The following CACNA2D3 variants were observed in gnomAD, a reference collection of about 807,000 sequenced individuals.
CACNA2D3 encodes calcium voltage-gated channel auxiliary subunit alpha2delta 3.
A neutral mutation model predicts 160.6 loss-of-function variants in CACNA2D3; 60 were observed. That is an observed-to-expected ratio of 0.37 (90% CI 0.30 to 0.46). CACNA2D3 has a LOEUF of 0.46. Among genes scored for constraint, CACNA2D3 ranks in the 20% least tolerant of loss-of-function variants. The pLI is 1.00. For missense variants in CACNA2D3, 1,205 were observed against 1,365.0 expected, an observed-to-expected ratio of 0.88 and a Z score of 1.85; for synonymous variants, 558 against 492.9, an observed-to-expected ratio of 1.13 and a Z score of -1.75.
intron 9 of CACNA2D3, among the ~76,000 whole-genome samples, chr3:54,609,658 A>G (rs1431638953): frequency 2.0e-5 from 3 of 152,198 alleles, no homozygotes; most frequent in African/African-American, 7.2e-5. Context: ...GAAAGCTTAA[A>G]ATGACAAATG....
intron 10 of CACNA2D3, among the ~76,000 whole-genome samples, chr3:54,629,011 GAC>G (rs1280561012): frequency 2.6e-5 from 4 of 152,168 alleles, no homozygotes; most frequent in Non-Finnish European, 4.4e-5. Flanking sequence ...TGCTTAGAAA[GAC>G]CTTGATTCTT....
intron 5 of CACNA2D3, among the ~76,000 whole-genome samples, chr3:54,555,825 C>A (rs1702234054): frequency 1.3e-5 from 2 of 152,198 alleles, no homozygotes; most frequent in Non-Finnish European, 2.9e-5. Context: ...CTGGAATTCA[C>A]TTTATTGAGC....
At chr3:54,943,503 G>T (rs144225927) in intron 27 of CACNA2D3, among the ~76,000 whole-genome samples, 1 of 152,134 alleles carries the variant, frequency 6.6e-6, no homozygotes, top group Non-Finnish European at 1.5e-5. Flanking sequence ...ATTAGTCAGC[G>T]AATATATTAT....
intron 2 of CACNA2D3, among the ~76,000 whole-genome samples, chr3:54,310,828 G>A (rs1186009739): frequency 6.6e-6 from 1 of 152,120 alleles, no homozygotes; most frequent in Non-Finnish European, 1.5e-5. Flanking sequence ...CACATCATTT[G>A]ATCATCTCAA....
At chr3:54,415,212 G>T (rs915947867) in intron 4 of CACNA2D3, among the ~76,000 whole-genome samples, 1 of 152,126 alleles carries the variant, frequency 6.6e-6, no homozygotes, top group African/African-American at 2.4e-5. Flanking sequence ...ATTACCTCAG[G>T]ATCTTTCTCC....
intron 26 of CACNA2D3, among the ~76,000 whole-genome samples, chr3:54,898,332 C>T: frequency 6.7e-6 from 1 of 150,356 alleles, no homozygotes; most frequent in Admixed American, 6.7e-5. Context: ...AAGCGATTCT[C>T]CTGCCTCAGC....
intron 13 of CACNA2D3, among the ~76,000 whole-genome samples, chr3:54,765,802 C>CA (rs371290236): frequency 6.6e-6 from 1 of 152,060 alleles, no homozygotes. Flanking sequence ...GTAGAAGGTC[C>CA]AAAAAATCAA....
chr3:54,836,186 A>C (rs1007534690), intron 14 of CACNA2D3, among the ~76,000 whole-genome samples: 11 of 151,148 alleles, frequency 7.3e-5, no homozygotes, highest in Non-Finnish European at 1.2e-4. Context: ...TACAGACGTG[A>C]ATCACATGCT....
chr3:54,675,388 C>A (rs918829593), intron 11 of CACNA2D3, among the ~76,000 whole-genome samples: 6 of 152,120 alleles, frequency 3.9e-5, no homozygotes, highest in African/African-American at 1.4e-4. Context: ...AACGGCTGGA[C>A]AGAGGCAGTC....
chr3:54,330,245 T>C (rs1354473589), intron 3 of CACNA2D3, among the ~76,000 whole-genome samples: 1 of 143,198 alleles, frequency 7.0e-6, no homozygotes, highest in African/African-American at 2.6e-5. Context: ...TGTGTGTGTG[T>C]GTGTCACTTG....
chr3:54,603,469 T>G (rs1703102497), intron 9 of CACNA2D3, among the ~76,000 whole-genome samples: 1 of 152,194 alleles, frequency 6.6e-6, no homozygotes, highest in African/African-American at 2.4e-5. Flanking sequence ...CTGACTCAAC[T>G]TCCTTCCTCT....
At chr3:54,845,279 G>A (rs971905706) in intron 16 of CACNA2D3, among the ~76,000 whole-genome samples, 23 of 152,270 alleles carry the variant, frequency 1.5e-4, no homozygotes, top group African/African-American at 5.1e-4. Flanking sequence ...TCACCTTGAC[G>A]TTAAGCTAAC....
intron 3 of CACNA2D3, among the ~76,000 whole-genome samples, chr3:54,330,164 CAG>C (rs1327830504): frequency 1.3e-5 from 2 of 151,542 alleles, no homozygotes; most frequent in Non-Finnish European, 1.5e-5. Context: ...TTTGTACTAT[CAG>C]GGGTAAATGT....
At chr3:54,736,061 G>GTA (rs1368581616) in intron 11 of CACNA2D3, among the ~76,000 whole-genome samples, 5 of 24,488 alleles carry the variant, frequency 2.0e-4, no homozygotes, top group African/African-American at 3.1e-4. Flanking sequence ...ACATATGTAT[G>GTA]TATATATATA....
At chr3:54,352,358 T>C (rs1698579966) in intron 3 of CACNA2D3, among the ~76,000 whole-genome samples, 1 of 152,226 alleles carries the variant, frequency 6.6e-6, no homozygotes, top group South Asian at 2.1e-4. Context: ...GTGTTGATGG[T>C]TGTGTATTAT....
chr3:54,482,286 G>A (rs1700946320), intron 4 of CACNA2D3, among the ~76,000 whole-genome samples: 1 of 152,150 alleles, frequency 6.6e-6, no homozygotes, highest in Admixed American at 6.6e-5. Flanking sequence ...TGGAACTGTG[G>A]TGCGTAAACT....
intron 4 of CACNA2D3, among the ~76,000 whole-genome samples, chr3:54,472,579 A>C (rs1202868552): frequency 1.3e-5 from 2 of 152,206 alleles, no homozygotes; most frequent in African/African-American, 4.8e-5. Context: ...TCAAATAGGA[A>C]GAGAAGAAGT....
intron 13 of CACNA2D3, among the ~76,000 whole-genome samples, chr3:54,778,989 G>C (rs1384804275): frequency 6.6e-6 from 1 of 152,220 alleles, no homozygotes; most frequent in Non-Finnish European, 1.5e-5. Flanking sequence ...TCCACGGTTT[G>C]AGGAGCTAAG....
chr3:54,929,675 T>C (rs1346822345), intron 27 of CACNA2D3, among the ~76,000 whole-genome samples: 1 of 152,172 alleles, frequency 6.6e-6, no homozygotes, highest in Non-Finnish European at 1.5e-5. Flanking sequence ...AAAAGTCAGG[T>C]GTAGGTGACA....
Sources: gnomAD v4.1 joint callset for allele counts (sites outside exome capture counted in the v4.1 genomes callset) on GRCh38, gnomAD v4.1.1 for gene constraint, MANE v1.5 for transcripts, NCBI Gene and HGNC (gene_info 2026-07-23, HGNC 2026-07-21) for gene names.